Variants in OR2L13 observed in about 807,000 individuals in gnomAD.
OR2L13 encodes the protein olfactory receptor family 2 subfamily L member 13.
In OR2L13, 14 loss-of-function variants were observed where a neutral mutation model predicts 15.3. The ratio of observed to expected loss-of-function variants is 0.91; its 90% CI spans 0.60 to 1.43. The LOEUF (loss-of-function observed/expected upper bound fraction) is 1.43, where lower values mean the gene tolerates loss of function less well. Among genes scored for constraint, OR2L13 ranks in the 40% most tolerant of loss-of-function variants. The probability of loss-of-function intolerance (pLI) is 0.00; values close to 1 mark genes in which losing one functional copy is unlikely to be tolerated. For synonymous variants in OR2L13, 152 were observed against 142.9 expected, an observed-to-expected ratio of 1.06 and a Z score of -0.45; for missense variants, 367 against 387.9, an observed-to-expected ratio of 0.95 and a Z score of 0.45.
chr1:248,041,885 A>G, the OR2L13 span: 1 of 151,516 alleles, frequency 6.6e-6, no homozygotes, highest in Admixed American at 6.6e-5. Flanking sequence ...GATGTGGAGA[A>G]AACACTTTTA....
chr1:248,037,788 A>T, the OR2L13 span, among the ~76,000 whole-genome samples: 2 of 152,162 alleles, frequency 1.3e-5, no homozygotes, highest in African/African-American at 2.4e-5. Context: ...CGGTCTGAAA[A>T]TATTGCATGG....
the OR2L13 span, among the ~76,000 whole-genome samples, chr1:247,993,279 C>T: frequency 1.3e-5 from 2 of 149,592 alleles, no homozygotes; most frequent in Non-Finnish European, 3.0e-5. Context: ...GACATTTAAT[C>T]TTTGTCAGAT....
chr1:248,071,308 A>G, the OR2L13 span, among the ~76,000 whole-genome samples: 1 of 152,128 alleles, frequency 6.6e-6, no homozygotes, highest in Non-Finnish European at 1.5e-5. Flanking sequence ...CCTGGGATGC[A>G]AGGCTGCTTC....
At chr1:247,956,183 C>T in the OR2L13 span, among the ~76,000 whole-genome samples, 1 of 151,202 alleles carries the variant, frequency 6.6e-6, no homozygotes, top group African/African-American at 2.4e-5. Context: ...TTTCCCAGCA[C>T]CATTTATTAA....
At chr1:248,090,633 T>G (rs1272979372), upstream of OR2L13, among the ~76,000 whole-genome samples, 2 of 152,240 alleles carry the variant, frequency 1.3e-5, no homozygotes, top group Non-Finnish European at 2.9e-5. Context: ...TTTTTGTGGC[T>G]GCATAGTATT....
At chr1:248,092,740 T>A (rs893188530), upstream of OR2L13, among the ~76,000 whole-genome samples, 1 of 152,044 alleles carries the variant, frequency 6.6e-6, no homozygotes. Context: ...CATCACAGAG[T>A]AATTCATTAC....
chr1:248,041,476 A>C, the OR2L13 span: 1 of 152,378 alleles, frequency 6.6e-6, no homozygotes, highest in South Asian at 2.1e-4. Context: ...AAAATACCAA[A>C]AGCAATGGCA....
At chr1:247,942,775 G>A in the OR2L13 span, among the ~76,000 whole-genome samples, 1 of 152,020 alleles carries the variant, frequency 6.6e-6, no homozygotes, top group African/African-American at 2.4e-5. Context: ...AGAGTTCTGT[G>A]TCATTGCACA....
chr1:247,993,384 A>G, the OR2L13 span, among the ~76,000 whole-genome samples: 1 of 146,222 alleles, frequency 6.8e-6, no homozygotes, highest in Admixed American at 6.7e-5. Context: ...TGTTTAATTA[A>G]GTGCCTCTTG....
At chr1:247,993,942 T>C in the OR2L13 span, among the ~76,000 whole-genome samples, 1 of 152,288 alleles carries the variant, frequency 6.6e-6, no homozygotes, top group East Asian at 1.9e-4. Context: ...TGTCTCTTCA[T>C]TTCATTAACG....
At chr1:248,069,143 G>A in the OR2L13 span, among the ~76,000 whole-genome samples, 2 of 152,030 alleles carry the variant, frequency 1.3e-5, no homozygotes, top group Non-Finnish European at 2.9e-5. Flanking sequence ...GATACTCCTC[G>A]AGAAGAGCAA....
exon 1 of OR2L13, chr1:248,097,281 A>C (rs1273518762): frequency 1.3e-5 from 2 of 152,194 alleles, no homozygotes; most frequent in African/African-American, 4.8e-5. Context: ...TAAGTCAACA[A>C]GGATGGCCAA....
chr1:247,959,497 T>A, the OR2L13 span, among the ~76,000 whole-genome samples: 4 of 152,070 alleles, frequency 2.6e-5, no homozygotes, highest in African/African-American at 9.7e-5. Context: ...CCTGCCTTGC[T>A]AGATTGGGAA....
the OR2L13 span, chr1:247,990,169 A>T: frequency 1.8e-6 from 1 of 547,034 alleles, no homozygotes; most frequent in Non-Finnish European, 3.3e-6. Flanking sequence ...TCAGGCATTC[A>T]CTGGCGGGCT....
the OR2L13 span, among the ~76,000 whole-genome samples, chr1:247,938,818 GA>G: frequency 1.3e-5 from 2 of 152,186 alleles, no homozygotes; most frequent in Non-Finnish European, 2.9e-5. Flanking sequence ...ACTGCACATA[GA>G]AATAATTAGG....
the OR2L13 span, among the ~76,000 whole-genome samples, chr1:248,073,936 T>C: frequency 2.6e-5 from 4 of 151,982 alleles, no homozygotes; most frequent in Admixed American, 2.0e-4. Context: ...AATTTTTTTG[T>C]AGATACAACT....
the OR2L13 span, among the ~76,000 whole-genome samples, chr1:248,067,335 T>C: frequency 6.6e-6 from 1 of 152,226 alleles, no homozygotes; most frequent in Non-Finnish European, 1.5e-5. Context: ...TCTTCACAGG[T>C]AGTTTTAATT....
upstream of OR2L13, among the ~76,000 whole-genome samples, chr1:248,090,252 A>G (rs1664562900): frequency 6.6e-6 from 1 of 152,128 alleles, no homozygotes; most frequent in South Asian, 2.1e-4. Context: ...GGGTATGTAA[A>G]TGTGTTTGCT....
chr1:248,034,845 G>A, the OR2L13 span, among the ~76,000 whole-genome samples: 2 of 152,192 alleles, frequency 1.3e-5, no homozygotes, highest in Non-Finnish European at 2.9e-5. Flanking sequence ...CTTTCTGTGA[G>A]TCACAGCAAA....
Sources: allele counts gnomAD v4.1 joint callset (sites outside exome capture counted in the v4.1 genomes callset), GRCh38; gene constraint gnomAD v4.1.1; transcripts MANE v1.5; gene names NCBI Gene and HGNC (gene_info 2026-07-23, HGNC 2026-07-21).